LINC00632: variants seen among roughly 807,000 people sequenced by gnomAD.
LINC00632 encodes long independently transcribed non-coding RNA 632.
intron 2 of LINC00632, among the ~76,000 whole-genome samples, chrX:140,730,198 A>G (rs984219703): frequency 2.7e-5 from 3 of 110,997 alleles, no homozygotes; most frequent in East Asian, 5.7e-4. Context: ...CTTTTAATGT[A>G]GAGAACAGCC....
chrX:140,781,607 T>C (rs1369027882), exon 5 of LINC00632, among the ~76,000 whole-genome samples: 1 of 111,499 alleles, frequency 9.0e-6, no homozygotes, highest in Non-Finnish European at 1.9e-5. Context: ...GGCTTCAATT[T>C]TCTCTGCTTG....
exon 5 of LINC00632, among the ~76,000 whole-genome samples, chrX:140,780,422 C>A (rs1931918774): frequency 9.0e-6 from 1 of 111,570 alleles, no homozygotes; most frequent in Non-Finnish European, 1.9e-5. Flanking sequence ...GTAAGTTACT[C>A]CCTGATCTGC....
intron 3 of LINC00632, among the ~76,000 whole-genome samples, chrX:140,742,877 G>GAGAGGA (rs1209141726): frequency 1.4e-4 from 13 of 94,422 alleles, no homozygotes; most frequent in East Asian, 3.3e-4. Context: ...GAGAGAGAGA[G>GAGAGGA]AGGAAGGAAG....
At chrX:140,737,039 A>G (rs1009640351) in intron 3 of LINC00632, among the ~76,000 whole-genome samples, 12 of 106,182 alleles carry the variant, frequency 1.1e-4, no homozygotes, top group African/African-American at 4.1e-4. Flanking sequence ...AGCTGTGATT[A>G]TAGGTGCGAG....
At chrX:140,777,599 G>T (rs1931889632) in exon 5 of LINC00632, among the ~76,000 whole-genome samples, 1 of 112,436 alleles carries the variant, frequency 8.9e-6, no homozygotes, top group Non-Finnish European at 1.9e-5. Context: ...TTCCTTCAGC[G>T]TTTCTTTATA....
At chrX:140,762,234 A>AGAGAGAGAGAGAGAGGGAGAGAGAGG (rs1556027054) in intron 3 of LINC00632, among the ~76,000 whole-genome samples, 5 of 105,862 alleles carry the variant, frequency 4.7e-5, no homozygotes, top group African/African-American at 1.4e-4. Context: ...AGAGAGAGAG[A>AGAGAGAGAGAGAGAGGGAGAGAGAGG]GAGAGAGAGC....
intron 3 of LINC00632, among the ~76,000 whole-genome samples, chrX:140,734,436 A>G (rs1931109398): frequency 8.9e-6 from 1 of 111,975 alleles, no homozygotes; most frequent in South Asian, 3.7e-4. Flanking sequence ...ATTTAAAAAA[A>G]CATGAACAAG....
intron 3 of LINC00632, among the ~76,000 whole-genome samples, chrX:140,736,049 C>T (rs1013971332): frequency 2.7e-5 from 3 of 111,563 alleles, no homozygotes; most frequent in Admixed American, 1.9e-4. Context: ...TATTAATATA[C>T]GTTTTGAGGT....
At chrX:140,768,696 T>TAATAAA (rs1931739265) in intron 3 of LINC00632, among the ~76,000 whole-genome samples, 1 of 97,599 alleles carries the variant, frequency 1.0e-5, no homozygotes, top group Non-Finnish European at 2.0e-5. Flanking sequence ...TATAATATAT[T>TAATAAA]TATTATATAA....
At chrX:140,716,208 A>G (rs1930625454) in intron 2 of LINC00632, 1 of 111,940 alleles carries the variant, frequency 8.9e-6, no homozygotes, top group Non-Finnish European at 1.9e-5. Context: ...CAGCTTGTGT[A>G]ATAGTTACCA....
At chrX:140,724,480 CACACACACACATTCCAT>C (rs1569348758) in intron 2 of LINC00632, among the ~76,000 whole-genome samples, 12 of 52,940 alleles carry the variant, frequency 2.3e-4, no homozygotes, top group Non-Finnish European at 3.6e-4. Flanking sequence ...TCCATACATA[CACACACACACATTCCAT>C]ACACACACAC....
At chrX:140,767,508 G>A (rs1931711279) in intron 3 of LINC00632, among the ~76,000 whole-genome samples, 1 of 111,751 alleles carries the variant, frequency 8.9e-6, no homozygotes, top group Admixed American at 9.5e-5. Context: ...TAAAGAAGTG[G>A]TTCTATGCAC....
intron 2 of LINC00632, among the ~76,000 whole-genome samples, chrX:140,722,199 C>T (rs1367313223): frequency 9.0e-6 from 1 of 110,840 alleles, no homozygotes; most frequent in African/African-American, 3.3e-5. Flanking sequence ...AGGACCTAGA[C>T]TGGCCCGATA....
chrX:140,731,634 C>T (rs906308159), intron 2 of LINC00632, among the ~76,000 whole-genome samples: 3 of 111,962 alleles, frequency 2.7e-5, no homozygotes, highest in East Asian at 2.8e-4. Context: ...CAGGCACAGA[C>T]ACCGACTCAC....
intron 3 of LINC00632, among the ~76,000 whole-genome samples, chrX:140,767,426 T>C (rs890296554): frequency 8.9e-5 from 10 of 111,970 alleles, no homozygotes; most frequent in Admixed American, 7.6e-4. Flanking sequence ...GATGCATTAA[T>C]TTCCCCTTAG....
intron 2 of LINC00632, among the ~76,000 whole-genome samples, chrX:140,718,571 C>T (rs766971554): frequency 9.1e-5 from 10 of 110,300 alleles, no homozygotes; most frequent in African/African-American, 3.3e-4. Flanking sequence ...CCACCACAAG[C>T]GGCTAATTTT....
intron 3 of LINC00632, among the ~76,000 whole-genome samples, chrX:140,743,224 C>CAAAAAAAAAAAAAAAAAA (rs58322122): frequency 6.8e-5 from 3 of 44,329 alleles, no homozygotes; most frequent in African/African-American, 4.7e-4. Context: ...AACGCTGTCT[C>CAAAAAAAAAAAAAAAAAA]AAAAAAAAAA....
chrX:140,776,126 A>G (rs1013825538), exon 5 of LINC00632, among the ~76,000 whole-genome samples: 1 of 111,907 alleles, frequency 8.9e-6, no homozygotes, highest in Non-Finnish European at 1.9e-5. Context: ...ATATGAACAG[A>G]CACTTCTCAA....
At chrX:140,779,255 GA>G (rs200174331) in exon 5 of LINC00632, among the ~76,000 whole-genome samples, 8,030 of 106,338 alleles carry the variant, frequency 0.076, 328 homozygotes, top group East Asian at 0.24. Context: ...GTGGCAAAAA[GA>G]AAAAAAAGGA....
Sources: gnomAD v4.1 joint callset for allele counts (sites outside exome capture counted in the v4.1 genomes callset) on GRCh38, gnomAD v4.1.1 for gene constraint, MANE v1.5 for transcripts, NCBI Gene and HGNC (gene_info 2026-07-23, HGNC 2026-07-21) for gene names.